The following KCTD19 variants were observed in gnomAD, a reference collection of about 807,000 sequenced individuals.
KCTD19 encodes potassium channel tetramerization domain containing 19.
Under a neutral mutation model 103.5 loss-of-function variants are expected in KCTD19, and 67 were observed. The ratio of observed to expected loss-of-function variants is 0.65; its 90% confidence interval spans 0.53 to 0.79. KCTD19 has a LOEUF of 0.79. Ranked by LOEUF, KCTD19 falls within the 30% of genes least tolerant of loss-of-function variation. The pLI is 0.00. For synonymous variants in KCTD19, 439 were observed against 452.2 expected (o/e 0.97, Z 0.37); for missense variants, 980 against 1,136.1 (o/e 0.86, Z 1.98).
chr16:67,316,912 C>T (rs901836394), intron 2 of KCTD19, among the ~76,000 whole-genome samples: 2 of 152,156 alleles, frequency 1.3e-5, no homozygotes, highest in African/African-American at 4.8e-5. Flanking sequence ...GCCTGGGTGC[C>T]TGTACTCCAG....
intron 14 of KCTD19, 101 bp from the exon 15 acceptor site, chr16:67,291,087 G>T: frequency 7.6e-7 from 1 of 1,318,950 alleles, no homozygotes; most frequent in Non-Finnish European, 1.1e-6. Context: ...AGCCACAGGG[G>T]TAGGGGGCGG....
chr16:67,313,374 T>C (rs2036969043), intron 2 of KCTD19, among the ~76,000 whole-genome samples: 1 of 152,010 alleles, frequency 6.6e-6, no homozygotes, highest in African/African-American at 2.4e-5. Context: ...CCTCCCAAAG[T>C]GTTAGGATTA....
At chr16:67,304,813 G>A (rs2036874905) in intron 2 of KCTD19, among the ~76,000 whole-genome samples, 1 of 151,972 alleles carries the variant, frequency 6.6e-6, no homozygotes, top group Non-Finnish European at 1.5e-5. Flanking sequence ...ACAGGCACCT[G>A]CCACCACGCC....
In KCTD19 at chr16:67,320,240, G is replaced by GCC. The variant is rs1567455179; in HGVS notation, c.300+347_300+348dup. The stretch of plus-strand genomic sequence containing the variant: ...AATCTGGTCAACATGGAAAGGATTG[G>GCC]CCGGGCATGGTGGCATGCACCTGTG... On this transcript the variant is annotated intron_variant, in intron 2 of 15. Coordinates refer to ENST00000304372, the MANE Select transcript of KCTD19 (RefSeq NM_001100915.3). This position sits in a 1 kb window ranked among gnomAD's most constrained non-coding sequence, Gnocchi z 4.0. Among the ~76,000 whole-genome samples the GCC allele has an allele frequency of 6.6e-6, 1 of 152,180 alleles. No homozygotes were observed. Among genetic ancestry groups the GCC allele is most frequent in the African/African-American group, 2.4e-5 (1 of 41,434 alleles).
intron 2 of KCTD19, among the ~76,000 whole-genome samples, chr16:67,319,491 C>T (rs1449211822): frequency 5.9e-5 from 9 of 151,998 alleles, no homozygotes; most frequent in Admixed American, 1.3e-4. Flanking sequence ...AGGATTAATA[C>T]GGAGGATGTT....
At chr16:67,304,618 C>A (rs577852123) in intron 2 of KCTD19, 47 bp from the exon 3 acceptor site, 8 of 1,508,324 alleles carry the variant, frequency 5.3e-6, no homozygotes, top group Non-Finnish European at 7.4e-6. Flanking sequence ...AACCAAGTAA[C>A]TATGTACCAA....
rs371085149 is a variant in KCTD19, at chr16:67,289,668, G to C, written c.2682C>G (p.Phe894Leu). The C allele has an allele frequency of 6.2e-7, 1 of 1,613,468 alleles. No individual in the cohort carries two copies. Among genetic ancestry groups the C allele is most frequent in the Non-Finnish European group, 8.5e-7 (1 of 1,179,496 alleles). Residue 894 changes from phenylalanine (F) to leucine (L), a missense_variant, in exon 16 of 16, where the codon TTC (phenylalanine) becomes TTG (leucine). Transcript: ENST00000304372. Reference protein sequence around the residue: ...LYSWVELTLPFARKYGRCMDL... With the variant: ...LYSWVELTLPLARKYGRCMDL... The stretch of plus-strand genomic sequence containing the variant: ...CCATGCATCGGCCATATTTCCTGGC[G>C]AAGGGCAGTGTAAGCTGGAAGGAAA...
intron 7 of KCTD19, 22 bp downstream of exon 7, chr16:67,297,481 A>G: frequency 6.2e-7 from 1 of 1,611,998 alleles, no homozygotes; most frequent in Non-Finnish European, 8.5e-7. Flanking sequence ...CTAAATTCAA[A>G]CCTAGAAGCT....
chr16:67,293,814 A>T lies in KCTD19; in HGVS notation c.1948T>A (p.Trp650Arg). ...GTGGCTGTCAGTGGCTGGAATTCCC[A>T]CTGTTTGCAATTGACCATGTCCCAT... ...REWDMVNCKQ[W>R]EFQPLTATRS... The change falls in exon 12 of 16, where the codon TGG (tryptophan) becomes AGG (arginine). Residue 650 changes from tryptophan to arginine, a missense_variant. Trp to Arg is a moderately radical substitution (Grantham distance 101). Transcript: ENST00000304372. The surrounding 1 kb of genome is among the most constrained non-coding windows in gnomAD (Gnocchi z 4.0). 1 of 1,613,392 alleles carries T rather than the reference A, an allele frequency of 6.2e-7. No homozygotes were observed. The highest frequency in any genetic ancestry group is 1.1e-5 in the South Asian group (1 of 91,070).
intron 12 of KCTD19, among the ~76,000 whole-genome samples, chr16:67,292,793 C>A (rs978117972): frequency 1.3e-5 from 2 of 152,180 alleles, no homozygotes; most frequent in African/African-American, 2.4e-5. Flanking sequence ...GGCTTCTCCA[C>A]CTGGATGTCC....
intron 2 of KCTD19, among the ~76,000 whole-genome samples, chr16:67,311,725 G>A (rs940136416): frequency 6.6e-5 from 10 of 152,128 alleles, no homozygotes; most frequent in African/African-American, 2.4e-4. Context: ...GTGCCTGTGT[G>A]TGTGTGTGTG....
rs528812820 is a variant in KCTD19, at chr16:67,323,177, A to G, written c.4-2292T>C. ...ATGTAAAGCATGGAGTTATTCTACT[A>G]TGAGCCAGCAATTCCACTCCTAGGT... On this transcript the variant is annotated intron_variant, in intron 1 of 15. Coordinates refer to ENST00000304372, the MANE Select transcript of KCTD19 (RefSeq NM_001100915.3). This position sits in a 1 kb window ranked among gnomAD's most constrained non-coding sequence, Gnocchi z 4.1. Among the ~76,000 whole-genome samples the G allele has an allele frequency of 2.0e-5, 3 of 152,352 alleles. No homozygotes were observed. The East Asian group carries it at 5.8e-4, about 29-fold the overall frequency.
At chr16:67,294,852 T>C (rs1325540870) in intron 10 of KCTD19, 121 bp downstream of exon 10, 2 of 974,164 alleles carry the variant, frequency 2.1e-6, no homozygotes, top group Non-Finnish European at 3.2e-6. Context: ...ATCCTGGGCC[T>C]GCTTCACTCC....
intron 2 of KCTD19, among the ~76,000 whole-genome samples, chr16:67,306,799 T>A (rs2036898119): frequency 6.6e-6 from 1 of 152,210 alleles, no homozygotes; most frequent in Non-Finnish European, 1.5e-5. Flanking sequence ...GGCTTTGAAC[T>A]CAGCATATCT....
chr16:67,295,209 AAGGG>A, intron 9 of KCTD19, 50 bp downstream of exon 9: 1 of 1,602,232 alleles, frequency 6.2e-7, no homozygotes, highest in East Asian at 2.2e-5. Context: ...CTTTGTTGCT[AAGGG>A]AGGGGTCAGC....
rs1032056617 is a variant in KCTD19 at position 67,303,579 on chromosome 16, ACT to A, written c.452-244_452-243del. 1.2e-4 allele frequency among the ~76,000 whole-genome samples: 18 copies of A among 151,710 alleles called. No homozygotes were observed. The highest frequency in any genetic ancestry group is 4.1e-4 in the African/African-American group (17 of 41,284). On this transcript the variant is annotated intron_variant, in intron 3 of 15. Transcript: ENST00000304372. The surrounding 1 kb of genome is among the most constrained non-coding windows in gnomAD (Gnocchi z 4.3). ...CTTTTCTTTTTTGAGATGGAGTCTC[ACT>A]CTGTTGCCCAGGCTGGAATTCAGTG...
At position 67,319,254 on chromosome 16, in the gene KCTD19, T is replaced by A. The variant is rs184001727; in HGVS notation, c.300+1335A>T. 1.9e-3 allele frequency among the ~76,000 whole-genome samples: 294 copies of A among 152,072 alleles called. 2 individuals carry two copies. The highest frequency in any genetic ancestry group is 3.3e-3 in the Non-Finnish European group (222 of 68,000). Reference sequence around the variant, plus strand: ...AAAAAAAAAAAAAGAAAATTTCTGATTTCCAAATATAGAATGACTTTTAAG... The same window carrying A: ...AAAAAAAAAAAAAGAAAATTTCTGAATTCCAAATATAGAATGACTTTTAAG... On this transcript the variant is annotated intron_variant, in intron 2 of 15. Transcript: ENST00000304372.
intron 2 of KCTD19, among the ~76,000 whole-genome samples, chr16:67,316,624 T>C (rs1382726303): frequency 6.6e-6 from 1 of 152,192 alleles, no homozygotes. Context: ...AGTCCTGGAA[T>C]ACAGAAATGC....
intron 12 of KCTD19, among the ~76,000 whole-genome samples, chr16:67,292,825 T>C (rs1035169089): frequency 3.3e-5 from 5 of 152,146 alleles, no homozygotes; most frequent in Admixed American, 6.5e-5. Context: ...ACACTCAGTA[T>C]GTGCCCTTCC....
Sources: allele counts gnomAD v4.1 joint callset (sites outside exome capture counted in the v4.1 genomes callset), GRCh38; gene constraint gnomAD v4.1.1; non-coding constraint Gnocchi (gnomAD v3.1); transcripts MANE v1.5; gene names NCBI Gene and HGNC (gene_info 2026-07-23, HGNC 2026-07-21).